The following BCO1 variants were observed in gnomAD, a reference collection of about 807,000 sequenced individuals.
BCO1 encodes beta,beta-carotene 15,15'-dioxygenase.
Under a neutral mutation model 56.3 loss-of-function variants are expected in BCO1, and 54 were observed. The observed-to-expected ratio is 0.96, with a 90% CI of 0.77 to 1.20. BCO1 has a LOEUF of 1.20. Among genes scored for constraint, BCO1 ranks in the 50% most tolerant of loss-of-function variants. The pLI is 0.00. For synonymous variants in BCO1, 318 were observed against 266.1 expected (o/e 1.20, Z -1.90); for missense variants, 801 against 690.9 (o/e 1.16, Z -1.79).
intron 2 of BCO1, among the ~76,000 whole-genome samples, chr16:81,249,250 C>T (rs1020661727): frequency 7.3e-5 from 11 of 151,690 alleles, no homozygotes. Flanking sequence ...GCCACCACAT[C>T]TGGCTAGTTT....
chr16:81,280,790 ACTAAAGCAAATGTTTG>A, intron 7 of BCO1, 51 bp from the exon 8 acceptor site: 1 of 1,174,174 alleles, frequency 8.5e-7, no homozygotes, highest in Non-Finnish European at 1.3e-6. Flanking sequence ...AAATATATAC[ACTAAAGCAAATGTTTG>A]CTCTGGATTA....
At chr16:81,248,869 G>T in intron 2 of BCO1, among the ~76,000 whole-genome samples, 1 of 152,114 alleles carries the variant, frequency 6.6e-6, no homozygotes, top group South Asian at 2.1e-4. Flanking sequence ...AAAATTAGCC[G>T]GATGTGGTGG....
chr16:81,278,045 A>G (rs865864637), intron 7 of BCO1, among the ~76,000 whole-genome samples: 18 of 151,832 alleles, frequency 1.2e-4, no homozygotes, highest in Middle Eastern at 3.4e-3. Flanking sequence ...TGTTTATTTT[A>G]TTTTATTTTT....
chr16:81,261,651 G>C (rs918041493), intron 3 of BCO1, among the ~76,000 whole-genome samples: 2 of 152,180 alleles, frequency 1.3e-5, no homozygotes, highest in African/African-American at 4.8e-5. Context: ...CTAACTCAAC[G>C]TGGAGGTGTC....
intron 2 of BCO1, among the ~76,000 whole-genome samples, chr16:81,252,329 A>C (rs1196315190): frequency 1.3e-5 from 2 of 151,866 alleles, no homozygotes; most frequent in African/African-American, 4.8e-5. Flanking sequence ...GCATGATCTC[A>C]GCTCACTGCA....
chr16:81,265,210 ATCCACCATCCG>A (rs1328033969), intron 5 of BCO1, among the ~76,000 whole-genome samples: 2 of 148,808 alleles, frequency 1.3e-5, no homozygotes, highest in Non-Finnish European at 3.0e-5. Context: ...TCCATCACCC[ATCCACCATCCG>A]TCCACCCATC....
At chr16:81,261,289 C>G (rs1274512947) in intron 3 of BCO1, among the ~76,000 whole-genome samples, 1 of 152,212 alleles carries the variant, frequency 6.6e-6, no homozygotes, top group South Asian at 2.1e-4. Flanking sequence ...CCAATTTCAT[C>G]ACCCATAAAC....
At chr16:81,241,780 G>A (rs1905128113) in intron 1 of BCO1, among the ~76,000 whole-genome samples, 1 of 152,192 alleles carries the variant, frequency 6.6e-6, no homozygotes, top group East Asian at 1.9e-4. Context: ...TAATCAGTTG[G>A]TGACATCCAT....
At chr16:81,285,057 C>T (rs552383186) in intron 8 of BCO1, among the ~76,000 whole-genome samples, 1 of 152,110 alleles carries the variant, frequency 6.6e-6, no homozygotes, top group African/African-American at 2.4e-5. Flanking sequence ...CCAGGCTGGT[C>T]TCAAACTCCC....
intron 3 of BCO1, among the ~76,000 whole-genome samples, chr16:81,260,808 C>T (rs1944999995): frequency 6.6e-6 from 1 of 152,202 alleles, no homozygotes; most frequent in African/African-American, 2.4e-5. Context: ...TGCGCCTGGC[C>T]ACTGTATACA....
chr16:81,245,849 C>CTT lies in BCO1; in HGVS notation c.193+271_193+272dup, dbSNP rs1176582576. Among the ~76,000 whole-genome samples the CTT allele has an allele frequency of 9.5e-3, 887 of 93,388 alleles. 139 individuals are homozygous for CTT. Among genetic ancestry groups the CTT allele is most frequent in the Non-Finnish European group, 0.014 (693 of 49,472 alleles). 61.3% of individuals were successfully genotyped at this position (93,388 alleles called of 152,430 possible). A position where few individuals can be genotyped will look rare whatever the true frequency, so the allele number is the denominator to read the frequency against. On this transcript the variant is annotated intron_variant, in intron 2 of 10. Coordinates refer to ENST00000258168, the MANE Select transcript of BCO1 (RefSeq NM_017429.3). ...CCTTGACTTGTGGCTCCATCTCTGT[C>CTT]TTTTTTTTTTTTTTTTTTTTTTTTT... is the stretch of plus-strand genomic sequence containing the variant.
intron 7 of BCO1, among the ~76,000 whole-genome samples, chr16:81,277,065 CAAAA>C (rs34671497): frequency 9.4e-5 from 9 of 95,376 alleles, no homozygotes; most frequent in African/African-American, 2.9e-4. Flanking sequence ...GACTCGGTCT[CAAAA>C]AAAAAAAAAA....
At chr16:81,250,363 A>G (rs1426918864) in intron 2 of BCO1, among the ~76,000 whole-genome samples, 2 of 151,958 alleles carry the variant, frequency 1.3e-5, no homozygotes, top group Non-Finnish European at 2.9e-5. Context: ...CAGCTTGCCA[A>G]TGCTGGTGTG....
intron 6 of BCO1, among the ~76,000 whole-genome samples, chr16:81,268,407 T>C (rs1906969424): frequency 6.6e-6 from 1 of 152,180 alleles, no homozygotes; most frequent in African/African-American, 2.4e-5. Flanking sequence ...AGTCCCCATA[T>C]GCCCAGCAGC....
At chr16:81,272,113 CTTT>C (rs35402352) in intron 7 of BCO1, among the ~76,000 whole-genome samples, 7 of 111,292 alleles carry the variant, frequency 6.3e-5, no homozygotes, top group Admixed American at 3.1e-4. Context: ...TCTTTTCTTT[CTTT>C]TTTTTTTTTT....
intron 5 of BCO1, among the ~76,000 whole-genome samples, chr16:81,265,480 C>T (rs1315343806): frequency 7.3e-6 from 1 of 137,126 alleles, no homozygotes; most frequent in Non-Finnish European, 1.6e-5. Context: ...TCTACCCACC[C>T]ACCCGCCCAC....
chr16:81,266,716 C>T (rs765550718), intron 5 of BCO1, among the ~76,000 whole-genome samples: 1 of 152,156 alleles, frequency 6.6e-6, no homozygotes, highest in Admixed American at 6.5e-5. Context: ...TGACACACCC[C>T]AGTCACACAG....
chr16:81,276,777 A>G (rs1907581574), intron 7 of BCO1, among the ~76,000 whole-genome samples: 1 of 152,200 alleles, frequency 6.6e-6, no homozygotes, highest in Admixed American at 6.5e-5. Context: ...TTTTAAAATT[A>G]AATTTAAGGC....
chr16:81,290,326 T>G (rs764599525), intron 10 of BCO1, 22 bp from the exon 11 acceptor site: 2 of 1,590,004 alleles, frequency 1.3e-6, no homozygotes, highest in Non-Finnish European at 1.7e-6. Flanking sequence ...TTACGAAGTG[T>G]TTTTTTTCTG....
Sources: gnomAD v4.1 joint callset for allele counts (sites outside exome capture counted in the v4.1 genomes callset) on GRCh38, gnomAD v4.1.1 for gene constraint, MANE v1.5 for transcripts, NCBI Gene and HGNC (gene_info 2026-07-23, HGNC 2026-07-21) for gene names.